The following FAM168A variants were observed in gnomAD, a reference collection of about 807,000 sequenced individuals.
FAM168A encodes the protein family with sequence similarity 168 member A, also known as protein FAM168A.
A neutral mutation model predicts 28.5 loss-of-function variants in FAM168A; 3 were observed. The ratio of observed to expected loss-of-function variants is 0.11; its 90% CI spans 0.05 to 0.27. FAM168A has a LOEUF of 0.27. FAM168A is among the 10% of genes least tolerant of loss of function. The probability of loss-of-function intolerance (pLI) is 1.00; values close to 1 mark genes in which losing one functional copy is unlikely to be tolerated. For synonymous variants in FAM168A, 122 were observed against 124.2 expected (o/e 0.98, Z 0.12); for missense variants, 222 against 311.5 (o/e 0.71, Z 2.16).
intron 2 of FAM168A, among the ~76,000 whole-genome samples, chr11:73,443,879 A>G (rs1867250992): frequency 6.6e-6 from 1 of 152,136 alleles, no homozygotes; most frequent in Admixed American, 6.6e-5. Context: ...CTGTATCTGC[A>G]TGTGGGCCGG....
intron 1 of FAM168A, among the ~76,000 whole-genome samples, chr11:73,562,114 T>C (rs1480626135): frequency 6.6e-6 from 1 of 152,206 alleles, no homozygotes. Flanking sequence ...AGCTAATGTT[T>C]GTATTTATAG....
At chr11:73,514,400 C>T (rs943703669) in intron 1 of FAM168A, among the ~76,000 whole-genome samples, 1 of 152,118 alleles carries the variant, frequency 6.6e-6, no homozygotes, top group Non-Finnish European at 1.5e-5. Flanking sequence ...TCTATGTTGT[C>T]AAAAGCAAGA....
chr11:73,492,318 T>C (rs1868139786), intron 1 of FAM168A, among the ~76,000 whole-genome samples: 1 of 152,054 alleles, frequency 6.6e-6, no homozygotes, highest in African/African-American at 2.4e-5. Flanking sequence ...TAAGCAAATA[T>C]GACATTCATA....
chr11:73,534,386 AT>A (rs889979765), intron 1 of FAM168A, among the ~76,000 whole-genome samples: 4 of 151,426 alleles, frequency 2.6e-5, no homozygotes, highest in Admixed American at 2.0e-4. Flanking sequence ...TCTTTCTTTC[AT>A]TTTTTATTTT....
chr11:73,595,670 C>T (rs975449258), intron 1 of FAM168A, among the ~76,000 whole-genome samples: 1 of 152,184 alleles, frequency 6.6e-6, no homozygotes, highest in African/African-American at 2.4e-5. Flanking sequence ...ATGAGCATAT[C>T]GCTAAGGTTT....
At chr11:73,414,017 C>T (rs1361839577) in intron 4 of FAM168A, among the ~76,000 whole-genome samples, 1 of 152,170 alleles carries the variant, frequency 6.6e-6, no homozygotes, top group African/African-American at 2.4e-5. Flanking sequence ...GAGCCATGAT[C>T]ACAACACTGT....
At chr11:73,530,854 T>G (rs1354201509) in intron 1 of FAM168A, among the ~76,000 whole-genome samples, 2 of 152,108 alleles carry the variant, frequency 1.3e-5, no homozygotes, top group African/African-American at 4.8e-5. Flanking sequence ...AAACTGGAGC[T>G]CCAAAGATTG....
chr11:73,567,364 G>A (rs1447901230), intron 1 of FAM168A, among the ~76,000 whole-genome samples: 1 of 152,172 alleles, frequency 6.6e-6, no homozygotes, highest in Non-Finnish European at 1.5e-5. Context: ...TTTTGAGCCA[G>A]ACTTGTGACT....
chr11:73,437,867 G>A (rs1301057234), intron 2 of FAM168A, among the ~76,000 whole-genome samples: 1 of 152,116 alleles, frequency 6.6e-6, no homozygotes, highest in East Asian at 1.9e-4. Context: ...ATTTTCTTGT[G>A]TTCAAATCCA....
chr11:73,430,393 G>C, intron 3 of FAM168A: 14 of 339,118 alleles, frequency 4.1e-5, no homozygotes, highest in South Asian at 3.4e-4. Flanking sequence ...AATGAATTTG[G>C]ACATTGCTTG....
rs559749895 is a variant in FAM168A, at chr11:73,595,588, A to G, written c.-19+2335T>C. Among the ~76,000 whole-genome samples the G allele has an allele frequency of 4.6e-4, 70 of 152,248 alleles. 1 individual carries two copies. The highest frequency in any genetic ancestry group is 1.6e-3 in the African/African-American group (68 of 41,552). Reference sequence around the variant, plus strand: ...CAGTTAATGCAATTAGGTCCATAGAACTGTTTCTCTAAAGATGTTCCCTCC... The same window carrying G: ...CAGTTAATGCAATTAGGTCCATAGAGCTGTTTCTCTAAAGATGTTCCCTCC... On this transcript the variant is annotated intron_variant, in intron 1 of 7. Coordinates refer to ENST00000356467, the MANE Select transcript of FAM168A (RefSeq NM_015159.3).
chr11:73,495,613 G>T, intron 1 of FAM168A, among the ~76,000 whole-genome samples: 1 of 152,172 alleles, frequency 6.6e-6, no homozygotes, highest in South Asian at 2.1e-4. Context: ...AATGGATAAA[G>T]AACTTGAACA....
chr11:73,459,825 T>C (rs975858833), intron 2 of FAM168A, among the ~76,000 whole-genome samples: 2 of 152,106 alleles, frequency 1.3e-5, no homozygotes, highest in Non-Finnish European at 2.9e-5. Flanking sequence ...AGTCTCCCTG[T>C]TCCATCTGGT....
chr11:73,535,462 A>T (rs1590839411), intron 1 of FAM168A, among the ~76,000 whole-genome samples: 1 of 141,798 alleles, frequency 7.1e-6, no homozygotes, highest in African/African-American at 2.6e-5. Flanking sequence ...TCTGTCGCCC[A>T]GGCTGGAGTG....
At chr11:73,445,259 CA>C (rs775104333) in intron 2 of FAM168A, among the ~76,000 whole-genome samples, 253 of 113,818 alleles carry the variant, frequency 2.2e-3, no homozygotes, top group Middle Eastern at 5.3e-3. Flanking sequence ...AACTCCATCT[CA>C]AAAAAAAAAA....
chr11:73,544,830 T>TA (rs1399072497), intron 1 of FAM168A, among the ~76,000 whole-genome samples: 1 of 95,950 alleles, frequency 1.0e-5, no homozygotes, highest in Admixed American at 1.5e-4. Context: ...AAATTTATTA[T>TA]ATATAATATA....
intron 1 of FAM168A, among the ~76,000 whole-genome samples, chr11:73,529,486 T>C (rs1448494822): frequency 2.0e-5 from 3 of 152,242 alleles, no homozygotes; most frequent in African/African-American, 7.2e-5. Flanking sequence ...GCAAAGCACC[T>C]ACCCTAGATT....
intron 1 of FAM168A, among the ~76,000 whole-genome samples, chr11:73,585,646 T>A (rs530676526): frequency 6.6e-6 from 1 of 152,190 alleles, no homozygotes; most frequent in Admixed American, 6.5e-5. Flanking sequence ...GGCAGGAGGA[T>A]CACCTAAGGT....
intron 1 of FAM168A, among the ~76,000 whole-genome samples, chr11:73,473,759 A>C (rs886690813): frequency 6.6e-6 from 1 of 151,590 alleles, no homozygotes; most frequent in Non-Finnish European, 1.5e-5. Flanking sequence ...TTCCTTAACC[A>C]ACTTATCTAA....
Sources: gnomAD v4.1 joint callset for allele counts (sites outside exome capture counted in the v4.1 genomes callset) on GRCh38, gnomAD v4.1.1 for gene constraint, MANE v1.5 for transcripts, NCBI Gene and HGNC (gene_info 2026-07-23, HGNC 2026-07-21) for gene names.